PTGS2: variants seen among roughly 807,000 people sequenced by gnomAD.
PTGS2 encodes prostaglandin G/H synthase 2.
Under a neutral mutation model 63.8 loss-of-function variants are expected in PTGS2, and 14 were observed. The ratio of observed to expected loss-of-function variants is 0.22; its 90% confidence interval spans 0.14 to 0.34. PTGS2 has a LOEUF of 0.34. Ranked by LOEUF, PTGS2 falls within the 10% of genes least tolerant of loss-of-function variation. The pLI, the probability that PTGS2 is intolerant of heterozygous loss-of-function variation, is 1.00. For synonymous variants in PTGS2, 271 were observed against 259.5 expected, an observed-to-expected ratio of 1.04 and a Z score of -0.43; for missense variants, 533 against 738.5, an observed-to-expected ratio of 0.72 and a Z score of 3.23.
At chr1:186,678,190 A>ATT in intron 4 of PTGS2, 71 bp downstream of exon 4, 1 of 1,423,036 alleles carries the variant, frequency 7.0e-7, no homozygotes, top group Non-Finnish European at 9.4e-7. Flanking sequence ...GTCTAAGGTC[A>ATT]ATTTTTTTTT....
At chr1:186,679,832 A>G (rs1262376663) in intron 1 of PTGS2, among the ~76,000 whole-genome samples, 1 of 152,214 alleles carries the variant, frequency 6.6e-6, no homozygotes, top group Non-Finnish European at 1.5e-5. Context: ...GCTTATCTTA[A>G]AACATAATCC....
rs755319162 is a variant in PTGS2, at chr1:186,678,388, A to G, written c.330T>C (p.Ile110=). The G allele has an allele frequency of 7.5e-6, 12 of 1,603,368 alleles. No individual in the cohort carries two copies. Among genetic ancestry groups the G allele is most frequent in the Middle Eastern group, 1.7e-4 (1 of 6,046 alleles). ...CAGCATTGTAAGTTGGTGGACTGTC[A>G]ATCAAATGTGATCTGGCTGAAATTT... ...SYVLTSRSHL[I]DSPPTYNADY... is the part of the protein sequence containing the mutation. The change falls in exon 4 of 10, where the codon ATT becomes ATC. Residue 110 remains isoleucine (I), a synonymous_variant. Coordinates refer to ENST00000367468, the MANE Select transcript of PTGS2 (RefSeq NM_000963.4).
chr1:186,678,074 G>T (rs145859214), intron 4 of PTGS2, among the ~76,000 whole-genome samples, 187 bp downstream of exon 4: 1 of 151,966 alleles, frequency 6.6e-6, no homozygotes, highest in Non-Finnish European at 1.5e-5. Flanking sequence ...ATACCAAGAC[G>T]CTCATTTGCT....
At chr1:186,677,902 C>A in intron 4 of PTGS2, 72 bp from the exon 5 acceptor site, 1 of 1,400,004 alleles carries the variant, frequency 7.1e-7, no homozygotes, top group Non-Finnish European at 9.8e-7. Context: ...TGTCAATCTA[C>A]CAAGAATTCT....
At chr1:186,674,892 T>C in intron 9 of PTGS2, 130 bp from the exon 10 acceptor site, 4 of 1,173,090 alleles carry the variant, frequency 3.4e-6, no homozygotes, top group Non-Finnish European at 4.7e-6. Context: ...TTTAAGAAGT[T>C]TAGGGGCCAG....
At position 186,676,340 on chromosome 1, in the gene PTGS2, A is replaced by G. The variant is rs559061338; in HGVS notation, c.970+127T>C. On this transcript the variant is annotated intron_variant, in intron 7 of 9. Coordinates refer to ENST00000367468, the MANE Select transcript of PTGS2 (RefSeq NM_000963.4). ...GCTATTTTATCAGTCATGCTTACAT[A>G]TTTAATGTATATAGAATGTGTGAGT... 45 of 1,394,716 alleles carry G rather than the reference A, an allele frequency of 3.2e-5. 1 individual carries two copies. The East Asian group carries it at 9.4e-4, about 29-fold the overall frequency. 86.4% of individuals were successfully genotyped at this position (1,394,716 alleles called of 1,614,324 possible). A position where few individuals can be genotyped will look rare whatever the true frequency, so the allele number is the denominator to read the frequency against.
intron 5 of PTGS2, among the ~76,000 whole-genome samples, chr1:186,677,231 A>T (rs1210542675): frequency 6.6e-6 from 1 of 152,176 alleles, no homozygotes; most frequent in East Asian, 1.9e-4. Context: ...AAAAATTCTT[A>T]CGAATAACTT....
At position 186,672,582 on chromosome 1, in the gene PTGS2, T is replaced by G. The variant is rs1345424455; in HGVS notation, c.*1771A>C. On this transcript the variant is annotated 3_prime_UTR_variant, in exon 10 of 10. Coordinates refer to ENST00000367468, the MANE Select transcript of PTGS2 (RefSeq NM_000963.4). ...CCATAGTGTCCTAATAAGACATAAA[T>G]AATAATCTTCAATAAATTAAGTAAT... is the stretch of plus-strand genomic sequence containing the variant. 1.3e-5 allele frequency: 2 copies of G among 152,548 alleles called. No individual in the cohort carries two copies. Among genetic ancestry groups the G allele is most frequent in the Non-Finnish European group, 1.5e-5 (1 of 67,978 alleles). 9.4% of individuals were successfully genotyped at this position (152,548 alleles called of 1,614,324 possible). A position where few individuals can be genotyped will look rare whatever the true frequency, so the allele number is the denominator to read the frequency against.
rs148865858 is a variant in PTGS2, at chr1:186,674,401, A to C, written c.1767T>G (p.Asp589Glu). Reference protein sequence around the residue: ...INASSSRSGLDDINPTVLLKE... With the variant: ...INASSSRSGLEDINPTVLLKE... The stretch of plus-strand genomic sequence containing the variant: ...TTAGTAGTACTGTGGGATTGATATC[A>C]TCTAGTCCGGAGCGGGAAGAACTTG... The change falls in exon 10 of 10, where the codon GAT becomes GAG. Residue 589 changes from aspartate (D) to glutamate (E), a missense_variant. By Grantham distance (45) the Asp-to-Glu change is conservative (BLOSUM62 2). This residue lies in a region of PTGS2 where 219 missense variants were observed against 267.4 expected (regional missense o/e 0.82). Transcript: ENST00000367468. 1 of 1,613,956 alleles carries C rather than the reference A, an allele frequency of 6.2e-7. No homozygotes were observed. Among genetic ancestry groups the C allele is most frequent in the East Asian group, 2.2e-5 (1 of 44,884 alleles).
intron 1 of PTGS2, 28 bp downstream of exon 1, chr1:186,680,211 T>C: frequency 6.5e-7 from 1 of 1,549,572 alleles, no homozygotes; most frequent in Non-Finnish European, 8.7e-7. Context: ...GGAACCGGAG[T>C]CCCCGGTGCG....
At chr1:186,679,532 T>C in intron 1 of PTGS2, 94 bp from the exon 2 acceptor site, 4 of 962,206 alleles carry the variant, frequency 4.2e-6, no homozygotes, top group Non-Finnish European at 6.3e-6. Flanking sequence ...TTTACAATAA[T>C]AAATTCAAGA....
rs1665857689 is a variant in PTGS2 at position 186,680,318 on chromosome 1, G to C, written c.-28C>G. The C allele has an allele frequency of 3.9e-6, 6 of 1,526,644 alleles. No homozygotes were observed. The highest frequency in any genetic ancestry group is 1.8e-6 in the Non-Finnish European group (2 of 1,134,430). 94.6% of individuals were successfully genotyped at this position (1,526,644 alleles called of 1,614,324 possible). A position where few individuals can be genotyped will look rare whatever the true frequency, so the allele number is the denominator to read the frequency against. ...CAGCGGCGGGCAGGGCGCGGCGCGG[G>C]GGTAGGCTTTGCTGTCTGAGGGCGT... On this transcript the variant is annotated 5_prime_UTR_variant, in exon 1 of 10. Transcript: ENST00000367468.
Position 186,674,288 on chromosome 1 carries a change from T to C in PTGS2, c.*65A>G. On this transcript the variant is annotated 3_prime_UTR_variant, in exon 10 of 10. Transcript: ENST00000367468. ...AGTAACATAAGGAGTTTAATATAAATATTATTAAATAATTAAATTAATAGA... is the reference window on the plus strand; with the variant it reads ...AGTAACATAAGGAGTTTAATATAAACATTATTAAATAATTAAATTAATAGA... 1.9e-6 allele frequency: 2 copies of C among 1,030,214 alleles called. No homozygotes were observed. Among genetic ancestry groups the C allele is most frequent in the East Asian group, 6.5e-5 (2 of 30,782 alleles). 63.8% of individuals were successfully genotyped at this position (1,030,214 alleles called of 1,614,324 possible).
In PTGS2 at chr1:186,675,932, A is replaced by G; in HGVS notation, c.1223T>C (p.Phe408Ser). The change falls in exon 8 of 10, where the codon TTT becomes TCT. Residue 408 changes from phenylalanine (F) to serine (S), a missense_variant. By Grantham distance (155) the Phe-to-Ser change is radical. Around this residue, in one of 5 missense-constraint regions of PTGS2, gnomAD observed 219 missense variants for 267.4 expected, o/e 0.82. Coordinates refer to ENST00000367468, the MANE Select transcript of PTGS2 (RefSeq NM_000963.4). ...AATTTGCCTGGTGAATGATTCAACA[A>G]ACTGGGTAATTCCATGTTCCAGCAA... ...SILLEHGITQ[F>S]VESFTRQIAG... 1 of 1,613,426 alleles carries G rather than the reference A, an allele frequency of 6.2e-7. No individual in the cohort carries two copies. The highest frequency in any genetic ancestry group is 8.5e-7 in the Non-Finnish European group (1 of 1,179,512).
At position 186,678,416 on chromosome 1, in the gene PTGS2, A is replaced by G; in HGVS notation, c.314-12T>C. 1.3e-6 allele frequency: 2 copies of G among 1,578,166 alleles called. No homozygotes were observed. The highest frequency in any genetic ancestry group is 1.2e-5 in the South Asian group (1 of 84,378). On this transcript the variant is annotated splice_polypyrimidine_tract_variant and intron_variant, in intron 3 of 9. Transcript: ENST00000367468. ...CAAATGTGATCTGGCTGAAATTTTC[A>G]AAGAAAAAAATGTTTTATTTATTCT... is the stretch of plus-strand genomic sequence containing the variant.
Position 186,676,828 on chromosome 1 carries a change from C to A in PTGS2, c.723+5G>T. ...ACTAAGTCTTAATAGTCAAAGGAAG[C>A]ATACCTGATATTTCATTTTTCCATC... On this transcript the variant is annotated splice_donor_5th_base_variant and intron_variant, in intron 6 of 9. Coordinates refer to ENST00000367468, the MANE Select transcript of PTGS2 (RefSeq NM_000963.4). 1.2e-6 allele frequency: 2 copies of A among 1,609,076 alleles called. No homozygotes were observed. Among genetic ancestry groups the A allele is most frequent in the Non-Finnish European group, 1.7e-6 (2 of 1,178,052 alleles).
rs1292278754 is a variant in PTGS2 at position 186,673,022 on chromosome 1, T to C, written c.*1331A>G. 1 of 152,030 alleles carries C rather than the reference T, an allele frequency of 6.6e-6. No individual in the cohort carries two copies. The highest frequency in any genetic ancestry group is 1.5e-5 in the Non-Finnish European group (1 of 67,970). 9.4% of individuals were successfully genotyped at this position (152,030 alleles called of 1,614,324 possible). A position where few individuals can be genotyped will look rare whatever the true frequency, so the allele number is the denominator to read the frequency against. On this transcript the variant is annotated 3_prime_UTR_variant, in exon 10 of 10. Coordinates refer to ENST00000367468, the MANE Select transcript of PTGS2 (RefSeq NM_000963.4). ...GTCCAAAGAAAGTGAACTCTGATCT[T>C]AAAACTAGTAAAACAAAATAGGAGA...
At position 186,675,920 on chromosome 1, in the gene PTGS2, A is replaced by G. The variant is rs750338422; in HGVS notation, c.1235T>C (p.Phe412Ser). Reference sequence around the variant, plus strand: ...TACCCTGCCAGCAATTTGCCTGGTGAATGATTCAACAAACTGGGTAATTCC... The same window carrying G: ...TACCCTGCCAGCAATTTGCCTGGTGGATGATTCAACAAACTGGGTAATTCC... ...EHGITQFVES[F>S]TRQIAGRVAG... The change falls in exon 8 of 10, where the codon TTC (phenylalanine) becomes TCC (serine). Residue 412 changes from phenylalanine to serine, a missense_variant. Around this residue, in one of 5 missense-constraint regions of PTGS2, gnomAD observed 219 missense variants for 267.4 expected, o/e 0.82. Transcript: ENST00000367468. The G allele has an allele frequency of 1.2e-6, 2 of 1,611,236 alleles. No homozygotes were observed. Among genetic ancestry groups the G allele is most frequent in the Non-Finnish European group, 1.7e-6 (2 of 1,177,674 alleles).
At position 186,676,006 on chromosome 1, in the gene PTGS2, A is replaced by G. The variant is rs776531525; in HGVS notation, c.1149T>C (p.Ile383=). ...WHPLLPDTFQ[I]HDQKYNYQQF... ...GTTGATAGTTGTATTTCTGGTCATG[A>G]ATTTGAAAGGTGTCAGGCAGAAGGG... The change falls in exon 8 of 10, where the codon ATT becomes ATC. Residue 383 remains isoleucine (I), a synonymous_variant. Coordinates refer to ENST00000367468, the MANE Select transcript of PTGS2 (RefSeq NM_000963.4). 5.0e-6 allele frequency: 8 copies of G among 1,613,948 alleles called. No homozygotes were observed. Among genetic ancestry groups the G allele is most frequent in the South Asian group, 1.1e-5 (1 of 91,088 alleles).
Sources: gnomAD v4.1 joint callset for allele counts (sites outside exome capture counted in the v4.1 genomes callset) on GRCh38, gnomAD v4.1.1 for gene constraint, gnomAD v4.1.1 regional missense constraint, MANE v1.5 for transcripts, NCBI Gene and HGNC (gene_info 2026-07-23, HGNC 2026-07-21) for gene names.